Variants in STXBP5L observed in about 807,000 individuals in gnomAD.
The protein encoded by STXBP5L is syntaxin binding protein 5L, also known as syntaxin-binding protein 5-like.
Under a neutral mutation model 144.5 loss-of-function variants are expected in STXBP5L, and 65 were observed. That is an observed-to-expected ratio of 0.45 (90% CI 0.37 to 0.55). STXBP5L has a LOEUF of 0.55. Among genes scored for constraint, STXBP5L ranks in the 20% least tolerant of loss-of-function variants. The probability of loss-of-function intolerance (pLI) is 0.00; values close to 1 mark genes in which losing one functional copy is unlikely to be tolerated. For synonymous variants in STXBP5L, 505 were observed against 469.6 expected (o/e 1.08, Z -0.97); for missense variants, 1,298 against 1,405.5 (o/e 0.92, Z 1.22).
intron 2 of STXBP5L, among the ~76,000 whole-genome samples, chr3:120,918,437 T>A (rs1323943269): frequency 1.3e-5 from 2 of 152,226 alleles, no homozygotes; most frequent in Non-Finnish European, 2.9e-5. Context: ...GAGAATAGTA[T>A]TGAACCCCCA....
intron 2 of STXBP5L, among the ~76,000 whole-genome samples, chr3:120,954,116 T>C (rs1937755335): frequency 6.6e-6 from 1 of 152,138 alleles, no homozygotes; most frequent in Non-Finnish European, 1.5e-5. Context: ...TATTATTTTG[T>C]GGATGCATTT....
chr3:121,324,487 C>T (rs924198367), intron 20 of STXBP5L: 1 of 689,520 alleles, frequency 1.5e-6, no homozygotes, highest in Non-Finnish European at 2.6e-6. Flanking sequence ...TATTCCCTTC[C>T]TTTAGGACTT....
At chr3:121,107,327 T>C (rs543432551) in intron 5 of STXBP5L, among the ~76,000 whole-genome samples, 2 of 152,314 alleles carry the variant, frequency 1.3e-5, no homozygotes, top group African/African-American at 2.4e-5. Flanking sequence ...TAGATTTTCT[T>C]CCAGAGTTTT....
At chr3:121,025,237 C>T (rs1043707474) in intron 3 of STXBP5L, among the ~76,000 whole-genome samples, 2 of 151,926 alleles carry the variant, frequency 1.3e-5, no homozygotes, top group African/African-American at 2.4e-5. Flanking sequence ...GAAATGCTTC[C>T]CTATCTCCCT....
intron 19 of STXBP5L, among the ~76,000 whole-genome samples, chr3:121,311,234 T>A (rs544659057): frequency 6.6e-6 from 1 of 152,310 alleles, no homozygotes; most frequent in Non-Finnish European, 1.5e-5. Flanking sequence ...GGTGGAGATA[T>A]TGAGCAATTG....
chr3:120,956,407 T>C (rs1055963852), intron 3 of STXBP5L, among the ~76,000 whole-genome samples: 15 of 151,906 alleles, frequency 9.9e-5, no homozygotes, highest in African/African-American at 2.9e-4. Flanking sequence ...AGGTAACTTA[T>C]ATAAGTGAAA....
intron 7 of STXBP5L, among the ~76,000 whole-genome samples, chr3:121,152,074 GAAATTTGAAGCC>G (rs2045953388): frequency 1.3e-5 from 2 of 152,006 alleles, no homozygotes; most frequent in South Asian, 2.1e-4. Flanking sequence ...TTTGGTAGAA[GAAATTTGAAGCC>G]AAATTTGAAG....
chr3:121,011,568 T>G (rs754343548), intron 3 of STXBP5L, among the ~76,000 whole-genome samples: 9 of 151,570 alleles, frequency 5.9e-5, no homozygotes, highest in Non-Finnish European at 1.3e-4. Flanking sequence ...CCATTATAGC[T>G]AAATATACTT....
At chr3:121,408,363 G>A (rs1263259925) in intron 23 of STXBP5L, among the ~76,000 whole-genome samples, 1 of 151,858 alleles carries the variant, frequency 6.6e-6, no homozygotes, top group Non-Finnish European at 1.5e-5. Flanking sequence ...TCATTGAGAT[G>A]AGCACTGTGC....
intron 5 of STXBP5L, among the ~76,000 whole-genome samples, chr3:121,057,857 CTCTG>C (rs1948569652): frequency 6.6e-6 from 1 of 151,840 alleles, no homozygotes; most frequent in Non-Finnish European, 1.5e-5. Context: ...ATCTCTCATT[CTCTG>C]TCTCTCACTC....
chr3:120,996,510 ACAC>A (rs1943361498), intron 3 of STXBP5L, among the ~76,000 whole-genome samples: 1 of 152,138 alleles, frequency 6.6e-6, no homozygotes, highest in South Asian at 2.1e-4. Context: ...CAAGTATACA[ACAC>A]AGTATTAGTA....
rs944893343 is a variant in STXBP5L at position 121,148,967 on chromosome 3, A to G, written c.670-3510A>G. Among the ~76,000 whole-genome samples the G allele has an allele frequency of 3.1e-4, 47 of 152,112 alleles. 1 individual carries two copies. ...AAATAGAAGCAAGAAAGAGAGCAAT[A>G]TGTATTGTATAATTCTACCTGTCTA... On this transcript the variant is annotated intron_variant, in intron 7 of 26. Coordinates refer to ENST00000471454, the MANE Select transcript of STXBP5L (RefSeq NM_001308330.2).
chr3:121,131,617 C>A (rs2044992149), intron 7 of STXBP5L, among the ~76,000 whole-genome samples: 1 of 152,150 alleles, frequency 6.6e-6, no homozygotes, highest in African/African-American at 2.4e-5. Context: ...TTACCAACCC[C>A]TGTTCTGAGT....
intron 5 of STXBP5L, among the ~76,000 whole-genome samples, chr3:121,098,090 G>A (rs183194918): frequency 6.6e-6 from 1 of 151,870 alleles, no homozygotes; most frequent in Non-Finnish European, 1.5e-5. Flanking sequence ...TTCAACCTAC[G>A]GTACTGATAT....
rs973413687 is a variant in STXBP5L, at chr3:121,420,879, G to A, written c.*1782G>A. 1 of 151,982 alleles carries A rather than the reference G, an allele frequency of 6.6e-6. No homozygotes were observed. Among genetic ancestry groups the A allele is most frequent in the East Asian group, 1.9e-4 (1 of 5,194 alleles). The allele number at this position is 151,982 out of a possible 1,614,324, so 9.4% of individuals were successfully genotyped here. A position where few individuals can be genotyped will look rare whatever the true frequency, so the allele number is the denominator to read the frequency against. ...GTACAATGTTCTCAGTAATTTTGAG[G>A]AGAACAAAGATGAGTGAAAGAGTTA... is the stretch of plus-strand genomic sequence containing the variant. On this transcript the variant is annotated 3_prime_UTR_variant, in exon 27 of 27. Coordinates refer to ENST00000471454, the MANE Select transcript of STXBP5L (RefSeq NM_001308330.2).
intron 3 of STXBP5L, among the ~76,000 whole-genome samples, chr3:120,968,518 A>G (rs565758570): frequency 1.3e-5 from 2 of 152,200 alleles, no homozygotes; most frequent in South Asian, 2.1e-4. Flanking sequence ...TTTCTTGTAG[A>G]CAGTATATAG....
At chr3:121,161,309 G>C (rs569846368) in intron 9 of STXBP5L, among the ~76,000 whole-genome samples, 7 of 149,586 alleles carry the variant, frequency 4.7e-5, no homozygotes, top group African/African-American at 1.7e-4. Flanking sequence ...GTGACACTTT[G>C]TGTGGGCATG....
In STXBP5L at chr3:120,932,228, T is replaced by G. The variant is rs74326768; in HGVS notation, c.189+22461T>G. ...GACCAAAATGTCATTATGCAGCACA[T>G]GATGGTATGAACTTGAAATAGTGTT... On this transcript the variant is annotated intron_variant, in intron 2 of 26. Transcript: ENST00000471454. Among the ~76,000 whole-genome samples, 119 of 152,320 alleles carry G rather than the reference T, an allele frequency of 7.8e-4. 1 individual carries two copies. The East Asian group carries it at 0.022, about 29-fold the overall frequency.
At chr3:120,991,900 A>G (rs750971174) in intron 3 of STXBP5L, among the ~76,000 whole-genome samples, 1 of 152,212 alleles carries the variant, frequency 6.6e-6, no homozygotes, top group Non-Finnish European at 1.5e-5. Context: ...AACATGGCAC[A>G]TGTATACATA....
Sources: gnomAD v4.1 joint callset for allele counts (sites outside exome capture counted in the v4.1 genomes callset) on GRCh38, gnomAD v4.1.1 for gene constraint, MANE v1.5 for transcripts, NCBI Gene and HGNC (gene_info 2026-07-23, HGNC 2026-07-21) for gene names.